The following NDUFAF7 variants were observed in gnomAD, a reference collection of about 807,000 sequenced individuals.
NDUFAF7 encodes the protein protein arginine methyltransferase NDUFAF7, mitochondrial.
In NDUFAF7, 48 loss-of-function variants were observed where a neutral mutation model predicts 47.2. The observed-to-expected ratio is 1.02, with a 90% confidence interval of 0.81 to 1.29. NDUFAF7 has a LOEUF of 1.29. Among genes scored for constraint, NDUFAF7 ranks in the 50% most tolerant of loss-of-function variants. NDUFAF7 has a pLI of 0.00. For synonymous variants in NDUFAF7, 217 were observed against 190.0 expected (o/e 1.14, Z -1.17); for missense variants, 635 against 537.6 (o/e 1.18, Z -1.79).
At chr2:37,269,071 T>C in the NDUFAF7 span, 1 of 154,542 alleles carries the variant, frequency 6.5e-6, no homozygotes, top group Non-Finnish European at 1.4e-5. Context: ...ATATATTAAG[T>C]TTAATTAATA....
chr2:37,245,007 G>A (rs557978012), intron 7 of NDUFAF7, among the ~76,000 whole-genome samples: 1 of 152,324 alleles, frequency 6.6e-6, no homozygotes, highest in East Asian at 1.9e-4. Context: ...TAGAATGTCA[G>A]CATGATCAGC....
At chr2:37,252,822 A>AAAACAAAC (rs139159885), downstream of NDUFAF7, 2 of 140,536 alleles carry the variant, frequency 1.4e-5, no homozygotes, top group African/African-American at 5.1e-5. Context: ...TTTCATTAAA[A>AAAACAAAC]AAACAAACAA....
intron 2 of NDUFAF7, among the ~76,000 whole-genome samples, chr2:37,233,108 C>G (rs1191500545): frequency 6.6e-6 from 1 of 152,124 alleles, no homozygotes; most frequent in African/African-American, 2.4e-5. Flanking sequence ...AAGGGACTGA[C>G]AGGATTTGCC....
the NDUFAF7 span, among the ~76,000 whole-genome samples, chr2:37,271,024 C>A: frequency 1.3e-5 from 2 of 152,148 alleles, no homozygotes; most frequent in African/African-American, 4.8e-5. Context: ...CTCAACAGGA[C>A]AAGAGACTCA....
At chr2:37,234,506 G>T (rs971252028) in intron 2 of NDUFAF7, among the ~76,000 whole-genome samples, 2 of 152,132 alleles carry the variant, frequency 1.3e-5, no homozygotes, top group African/African-American at 2.4e-5. Flanking sequence ...AAAACACTCT[G>T]TGAAGGGGTC....
the NDUFAF7 span, chr2:37,269,374 C>T: frequency 2.0e-6 from 1 of 495,478 alleles, no homozygotes. Context: ...GTGTGAGCTA[C>T]AAGAAGAGAT....
chr2:37,238,727 A>G (rs1319150180), intron 4 of NDUFAF7, among the ~76,000 whole-genome samples: 1 of 152,180 alleles, frequency 6.6e-6, no homozygotes, highest in African/African-American at 2.4e-5. Context: ...GAGAGTGATT[A>G]GACAAGCCAC....
chr2:37,231,988 C>T (rs1174562045), intron 1 of NDUFAF7, 118 bp from the exon 2 acceptor site: 1 of 1,601,386 alleles, frequency 6.2e-7, no homozygotes, highest in East Asian at 2.2e-5. Context: ...CAGTAGCCCG[C>T]GGTCTGCGGT....
At position 37,243,898 on chromosome 2, in the gene NDUFAF7, C is replaced by T. The variant is rs371125538; in HGVS notation, c.717C>T (p.Asp239=). The change falls in exon 7 of 10, where the codon GAC becomes GAT. Residue 239 remains aspartate (D), a synonymous_variant. Coordinates refer to ENST00000002125, the MANE Select transcript of NDUFAF7 (RefSeq NM_144736.5). ...TPQGWREVFV[D]IDPQVSDKLR... ...AGGGATGGCGAGAAGTATTTGTTGACATTGATCCACAGGTTTCTGATAAAC... is the reference window on the plus strand; with the variant it reads ...AGGGATGGCGAGAAGTATTTGTTGATATTGATCCACAGGTTTCTGATAAAC... 86 of 1,614,058 alleles carry T rather than the reference C, an allele frequency of 5.3e-5. No homozygotes were observed. The African/African-American group carries it at 8.1e-4, about 15-fold the overall frequency.
At chr2:37,236,289 T>C in intron 3 of NDUFAF7, 113 bp downstream of exon 3, 1 of 952,552 alleles carries the variant, frequency 1.0e-6, no homozygotes, top group Non-Finnish European at 1.7e-6. Flanking sequence ...ATCAAAAGTT[T>C]TAACTTTATA....
chr2:37,266,028 C>T, the NDUFAF7 span, among the ~76,000 whole-genome samples: 1 of 152,076 alleles, frequency 6.6e-6, no homozygotes, highest in Non-Finnish European at 1.5e-5. Context: ...GCAAAAATAC[C>T]TGACAACATA....
At chr2:37,250,883 T>C (rs1202327030), downstream of NDUFAF7, 2 of 152,660 alleles carry the variant, frequency 1.3e-5, no homozygotes, top group South Asian at 2.1e-4. Flanking sequence ...CAAAAAGTTA[T>C]GCAGGTTATA....
downstream of NDUFAF7, chr2:37,251,497 A>G (rs1299301442): frequency 2.0e-5 from 3 of 152,600 alleles, no homozygotes; most frequent in African/African-American, 7.2e-5. Flanking sequence ...AGAACTTAGA[A>G]CACAGGAGTA....
At chr2:37,251,889 AAAG>A (rs1026889085), downstream of NDUFAF7, 3 of 152,060 alleles carry the variant, frequency 2.0e-5, no homozygotes, top group African/African-American at 2.4e-5. Context: ...AGAAAAAAAA[AAAG>A]GTTTACAATG....
At chr2:37,257,339 T>C (rs1486975463), downstream of NDUFAF7, among the ~76,000 whole-genome samples, 1 of 152,090 alleles carries the variant, frequency 6.6e-6, no homozygotes, top group African/African-American at 2.4e-5. Context: ...CCTGGACACA[T>C]AAAGGTACTC....
rs532311298 is a variant in NDUFAF7 at position 37,232,615 on chromosome 2, A to T, written c.216+349A>T. ...ATACGGGAGGAAGGATGGAGAGTTC[A>T]GGCTGGTATATGAATTTGAAGTGTG... On this transcript the variant is annotated intron_variant, in intron 2 of 9. Coordinates refer to ENST00000002125, the MANE Select transcript of NDUFAF7 (RefSeq NM_144736.5). Among the ~76,000 whole-genome samples the T allele has an allele frequency of 2.6e-5, 4 of 152,304 alleles. No individual in the cohort carries two copies. The South Asian group carries it at 8.3e-4, about 32-fold the overall frequency.
At chr2:37,264,910 G>C in the NDUFAF7 span, among the ~76,000 whole-genome samples, 9 of 152,218 alleles carry the variant, frequency 5.9e-5, no homozygotes, top group Non-Finnish European at 1.2e-4. Context: ...TCAAGAGATT[G>C]GATACTCCGG....
chr2:37,244,175 T>C (rs1378273704), intron 7 of NDUFAF7, among the ~76,000 whole-genome samples: 2 of 152,168 alleles, frequency 1.3e-5, no homozygotes, highest in Non-Finnish European at 2.9e-5. Flanking sequence ...GTGTGTGACC[T>C]TAACGTCATG....
downstream of NDUFAF7, chr2:37,252,718 A>AT (rs1667591763): frequency 6.6e-6 from 1 of 152,006 alleles, no homozygotes; most frequent in South Asian, 2.1e-4. Flanking sequence ...CCTCACAGTT[A>AT]CCTCTTAAAT....
Sources: allele counts gnomAD v4.1 joint callset (sites outside exome capture counted in the v4.1 genomes callset), GRCh38; gene constraint gnomAD v4.1.1; transcripts MANE v1.5; gene names NCBI Gene and HGNC (gene_info 2026-07-23, HGNC 2026-07-21).